Variants in USP42 observed in about 807,000 individuals in gnomAD.
USP42 encodes ubiquitin specific peptidase 42.
Under a neutral mutation model 113.0 loss-of-function variants are expected in USP42, and 23 were observed. The observed-to-expected ratio is 0.20, with a 90% CI of 0.15 to 0.29. The LOEUF is 0.29. Ranked by LOEUF, USP42 falls within the 10% of genes least tolerant of loss-of-function variation. The pLI, the probability that USP42 is intolerant of heterozygous loss-of-function variation, is 1.00. For missense variants in USP42, 2,174 were observed against 1,779.8 expected, an observed-to-expected ratio of 1.22 and a Z score of -3.99; for synonymous variants, 933 against 699.0, an observed-to-expected ratio of 1.33 and a Z score of -5.28.
chr7:6,154,507 C>A lies in USP42; in HGVS notation c.2953C>A (p.Pro985Thr), dbSNP rs1257236044. ...CCGTCACCGGCGGCGCCGCACCTGCCCCCGGGAGCGCGACCGCCAGGACCG... is the reference window on the plus strand; with the variant it reads ...CCGTCACCGGCGGCGCCGCACCTGCACCCGGGAGCGCGACCGCCAGGACCG... Reference protein sequence around the residue: ...GHRHRRRRTCPRERDRQDRHA... With the variant: ...GHRHRRRRTCTRERDRQDRHA... Residue 985 changes from proline (P) to threonine (T), a missense_variant, in exon 15 of 18, where the codon CCC becomes ACC. By Grantham distance (38) the Pro-to-Thr change is conservative. Transcript: ENST00000306177. The A allele has an allele frequency of 1.3e-6, 2 of 1,542,468 alleles. No homozygotes were observed. The highest frequency in any genetic ancestry group is 1.7e-6 in the Non-Finnish European group (2 of 1,144,066).
chr7:6,146,332 TG>T, intron 11 of USP42, 84 bp downstream of exon 11: 8 of 844,992 alleles, frequency 9.5e-6, no homozygotes, highest in Non-Finnish European at 1.1e-5. Context: ...CAATATTCAG[TG>T]TTTTAAAAAA....
chr7:6,149,478 A>G (rs764657101), intron 12 of USP42, 105 bp from the exon 13 acceptor site: 66 of 341,566 alleles, frequency 1.9e-4, no homozygotes, highest in Non-Finnish European at 2.4e-4. Context: ...GTTAGTCCTG[A>G]AAAAAAAAAA....
At chr7:6,155,872 C>T (rs1348762157) in intron 15 of USP42, among the ~76,000 whole-genome samples, 7 of 152,080 alleles carry the variant, frequency 4.6e-5, no homozygotes, top group Non-Finnish European at 8.8e-5. Context: ...CTGCTTCAGC[C>T]CTCAGCCTCT....
chr7:6,092,048 TTC>T, the USP42 span, among the ~76,000 whole-genome samples: 7 of 78,262 alleles, frequency 8.9e-5, no homozygotes, highest in African/African-American at 1.8e-4. Flanking sequence ...CTTCTTCTTC[TTC>T]TTCTTTCTTC....
intron 2 of USP42, among the ~76,000 whole-genome samples, chr7:6,112,666 C>G (rs1779660432): frequency 6.6e-6 from 1 of 152,062 alleles, no homozygotes; most frequent in South Asian, 2.1e-4. Context: ...GCATGCAGCC[C>G]AGACAGCTTT....
chr7:6,082,033 CATAT>C, the USP42 span, among the ~76,000 whole-genome samples: 1 of 151,636 alleles, frequency 6.6e-6, no homozygotes, highest in Non-Finnish European at 1.5e-5. Flanking sequence ...GTCTGTATTA[CATAT>C]ATATGTATGT....
At chr7:6,113,712 C>A (rs1779726935) in intron 2 of USP42, among the ~76,000 whole-genome samples, 2 of 151,992 alleles carry the variant, frequency 1.3e-5, no homozygotes, top group African/African-American at 4.8e-5. Flanking sequence ...ACCTCCGCCT[C>A]CCGGGTTCAC....
chr7:6,149,499 G>C (rs982838528), intron 12 of USP42, 84 bp from the exon 13 acceptor site: 1 of 1,497,718 alleles, frequency 6.7e-7, no homozygotes, highest in Non-Finnish European at 8.9e-7. Flanking sequence ...AAGCAAAATG[G>C]GAAGGACCCA....
At chr7:6,125,432 G>A (rs998663499) in intron 3 of USP42, among the ~76,000 whole-genome samples, 2 of 152,152 alleles carry the variant, frequency 1.3e-5, no homozygotes, top group Non-Finnish European at 2.9e-5. Context: ...GGGGGTTGCA[G>A]TGAGCCAAGA....
chr7:6,088,829 T>A, the USP42 span: 1 of 150,804 alleles, frequency 6.6e-6, no homozygotes, highest in African/African-American at 2.5e-5. Context: ...AGCATAGAGA[T>A]GATGGACGTG....
chr7:6,152,291 G>A (rs1280200894), intron 14 of USP42, among the ~76,000 whole-genome samples: 1 of 152,156 alleles, frequency 6.6e-6, no homozygotes, highest in African/African-American at 2.4e-5. Flanking sequence ...TTCTCATGGC[G>A]AACAACTTCT....
Position 6,145,524 on chromosome 7 carries a change from A to T in USP42, c.999A>T (p.Lys333Asn). 1 of 1,613,936 alleles carries T rather than the reference A, an allele frequency of 6.2e-7. No homozygotes were observed. The highest frequency in any genetic ancestry group is 8.5e-7 in the Non-Finnish European group (1 of 1,179,870). ...TTTCCATTTCCTTCTAGGATGTGAA[A>T]TACCCTGAGTATCTTGATATTCGGC... ...FTGGKIAKDV[K>N]YPEYLDIRPY... The change falls in exon 10 of 18, where the codon AAA (lysine) becomes AAT (asparagine). Residue 333 changes from lysine (K) to asparagine (N), a missense_variant. Lys to Asn is a moderately conservative substitution (Grantham distance 94). Coordinates refer to ENST00000306177, the MANE Select transcript of USP42 (RefSeq NM_032172.3).
At position 6,130,819 on chromosome 7, in the gene USP42, C is replaced by G. The variant is rs1780811836; in HGVS notation, c.443-5022C>G. 2.6e-5 allele frequency among the ~76,000 whole-genome samples: 4 copies of G among 152,244 alleles called. No homozygotes were observed. The South Asian group carries it at 8.3e-4, about 32-fold the overall frequency. ...AAAGATTTTATGCTCACAGGGCACA[C>G]CATGCAGGGCCATGTGGTGAGGAAG... On this transcript the variant is annotated intron_variant, in intron 3 of 17. Transcript: ENST00000306177.
chr7:6,086,948 G>A, the USP42 span, among the ~76,000 whole-genome samples: 4 of 150,046 alleles, frequency 2.7e-5, no homozygotes, highest in African/African-American at 5.0e-5. Flanking sequence ...GGCTTGTCTC[G>A]AACTCCTGAC....
chr7:6,132,214 A>C (rs1309303525), intron 3 of USP42, among the ~76,000 whole-genome samples: 3 of 152,096 alleles, frequency 2.0e-5, no homozygotes, highest in African/African-American at 7.2e-5. Flanking sequence ...GGCAGCCACC[A>C]CACCTGGCCC....
intron 3 of USP42, chr7:6,116,717 G>A (rs1313032259): frequency 9.9e-6 from 5 of 505,638 alleles, no homozygotes; most frequent in African/African-American, 2.0e-5. Context: ...AAATCACCTA[G>A]AATCTCACCA....
At chr7:6,117,862 T>C (rs1780001680) in intron 3 of USP42, among the ~76,000 whole-genome samples, 1 of 152,234 alleles carries the variant, frequency 6.6e-6, no homozygotes, top group African/African-American at 2.4e-5. Context: ...TGTGGTTATT[T>C]GCCATCCGTA....
At chr7:6,149,561 G>T (rs766662211) in intron 12 of USP42, 22 bp from the exon 13 acceptor site, 4 of 1,599,930 alleles carry the variant, frequency 2.5e-6, no homozygotes, top group Non-Finnish European at 3.4e-6. Flanking sequence ...GCTCTGACCA[G>T]GTGCGCTCTG....
chr7:6,109,688 G>A lies in USP42; in HGVS notation c.-9-1437G>A, dbSNP rs149882001. 8.9e-4 allele frequency among the ~76,000 whole-genome samples: 129 copies of A among 145,568 alleles called. 1 individual carries two copies. The East Asian group carries it at 0.024, about 27-fold the overall frequency. On this transcript the variant is annotated intron_variant, in intron 1 of 17. Coordinates refer to ENST00000306177, the MANE Select transcript of USP42 (RefSeq NM_032172.3). ...GGATTACAGGGGTGTGAGCCACTGC[G>A]CCCCGCCCGGCCTTTTTTTTTTTTT...
Sources: gnomAD v4.1 joint callset for allele counts (sites outside exome capture counted in the v4.1 genomes callset) on GRCh38, gnomAD v4.1.1 for gene constraint, MANE v1.5 for transcripts, NCBI Gene and HGNC (gene_info 2026-07-23, HGNC 2026-07-21) for gene names.